The following CYFIP2 variants were observed in gnomAD, a reference collection of about 807,000 sequenced individuals.
CYFIP2 encodes the protein cytoplasmic FMR1-interacting protein 2.
In CYFIP2, 29 loss-of-function variants were observed where a neutral mutation model predicts 158.7. The observed-to-expected ratio is 0.18, with a 90% CI of 0.14 to 0.25. The LOEUF is 0.25. Ranked by LOEUF, CYFIP2 falls within the 10% of genes least tolerant of loss-of-function variation. CYFIP2 has a pLI of 1.00. For synonymous variants in CYFIP2, 585 were observed against 617.6 expected, an observed-to-expected ratio of 0.95 and a Z score of 0.78; for missense variants, 852 against 1,639.5, an observed-to-expected ratio of 0.52 and a Z score of 8.29.
chr5:157,366,943 A>C (rs931555373), intron 26 of CYFIP2, among the ~76,000 whole-genome samples: 1 of 152,222 alleles, frequency 6.6e-6, no homozygotes, highest in Non-Finnish European at 1.5e-5. Flanking sequence ...GTGTGAGGGA[A>C]GGCAGGCCTG....
At chr5:157,319,013 G>C (rs1760372293) in intron 13 of CYFIP2, among the ~76,000 whole-genome samples, 1 of 152,166 alleles carries the variant, frequency 6.6e-6, no homozygotes. Flanking sequence ...CAGCTGCATA[G>C]ATACACGCCT....
chr5:157,381,499 G>A (rs972922630), intron 26 of CYFIP2, among the ~76,000 whole-genome samples: 4 of 140,066 alleles, frequency 2.9e-5, no homozygotes, highest in African/African-American at 8.0e-5. Flanking sequence ...CTGCACTCCA[G>A]CCTGGGCAAC....
intron 15 of CYFIP2, chr5:157,322,946 G>A: frequency 9.1e-6 from 14 of 1,535,706 alleles, no homozygotes; most frequent in Non-Finnish European, 1.1e-5. Flanking sequence ...TCTTAGGCCT[G>A]CCAGTGGTCC....
intron 26 of CYFIP2, among the ~76,000 whole-genome samples, chr5:157,373,761 T>G (rs1011565538): frequency 6.6e-6 from 1 of 152,194 alleles, no homozygotes; most frequent in African/African-American, 2.4e-5. Context: ...AAATGGTATG[T>G]GCAGAGAAGA....
chr5:157,384,682 G>A (rs1022877593), intron 28 of CYFIP2: 30 of 363,836 alleles, frequency 8.2e-5, no homozygotes, highest in Non-Finnish European at 1.3e-4. Context: ...GCTCACACCT[G>A]TAATCCCAGC....
In CYFIP2 at chr5:157,328,021, T is replaced by C. The variant is rs751489126; in HGVS notation, c.2128T>C (p.Phe710Leu). Residue 710 changes from phenylalanine (F) to leucine (L), a missense_variant, in exon 19 of 31, where the codon TTT (phenylalanine) becomes CTT (leucine). Physicochemically the swap from Phe to Leu is conservative, Grantham distance 22 (BLOSUM62 0). Transcript: ENST00000620254. ...QFVYKLADQI[F>L]AYYKAMAGSV... is the part of the protein sequence containing the mutation. ...TGTCTACAAGCTGGCAGACCAGATC[T>C]TTGCTTACTACAAAGCCATGGCTGG... 1 of 1,613,864 alleles carries C rather than the reference T, an allele frequency of 6.2e-7. No individual in the cohort carries two copies. The highest frequency in any genetic ancestry group is 8.5e-7 in the Non-Finnish European group (1 of 1,179,888).
chr5:157,393,278 A>C lies in CYFIP2; in HGVS notation c.*278A>C. 7.0e-6 allele frequency: 2 copies of C among 286,602 alleles called. No individual in the cohort carries two copies. The highest frequency in any genetic ancestry group is 1.8e-4 in the South Asian group (2 of 11,394). The allele number at this position is 286,602 out of a possible 1,614,324, so 17.8% of individuals were successfully genotyped here. ...TTCTCCCCCCTCAACTATATTAAGA[A>C]CTCCTAGTTTCACCCTTTCTCCATC... is the stretch of plus-strand genomic sequence containing the variant. On this transcript the variant is annotated 3_prime_UTR_variant, in exon 31 of 31. Transcript: ENST00000620254.
chr5:157,303,034 G>A, intron 7 of CYFIP2, 144 bp downstream of exon 7: 1 of 647,454 alleles, frequency 1.5e-6, no homozygotes, highest in East Asian at 2.9e-5. Context: ...GTGAAATGTA[G>A]CTGAGGACTT....
At chr5:157,346,947 C>T (rs1206859793) in intron 23 of CYFIP2, among the ~76,000 whole-genome samples, 1 of 152,190 alleles carries the variant, frequency 6.6e-6, no homozygotes, top group African/African-American at 2.4e-5. Context: ...TCCATCCCTT[C>T]CTGTTCCTTT....
In CYFIP2 at chr5:157,311,274, T is replaced by G. The variant is rs1488635428; in HGVS notation, c.993-390T>G. On this transcript the variant is annotated intron_variant, in intron 10 of 30. Transcript: ENST00000620254. The surrounding 1 kb of genome is among the most constrained non-coding windows in gnomAD (Gnocchi z 4.7). ...CAAAGCCAGCTTCAACCGCAGAGTG[T>G]CTGTGCTGTCAGAGTGGGTAGGCTG... 3 of 370,526 alleles carry G rather than the reference T, an allele frequency of 8.1e-6. No homozygotes were observed. Among genetic ancestry groups the G allele is most frequent in the Non-Finnish European group, 1.6e-5 (3 of 189,610 alleles). The allele number at this position is 370,526 out of a possible 1,614,324, so 23.0% of individuals were successfully genotyped here. A position where few individuals can be genotyped will look rare whatever the true frequency, so the allele number is the denominator to read the frequency against.
chr5:157,338,357 A>G (rs990823083), intron 21 of CYFIP2, among the ~76,000 whole-genome samples: 1 of 152,250 alleles, frequency 6.6e-6, no homozygotes, highest in Non-Finnish European at 1.5e-5. Flanking sequence ...CAAGGGGCCT[A>G]CACTCCAAAG....
rs1418230313 is a variant in CYFIP2 at position 157,311,404 on chromosome 5, T to C, written c.993-260T>C. Reference sequence around the variant, plus strand: ...CCTCTCATATTACTGGTAAGTATTATGGACCAGGTATCTGGAAAGGCCTAC... The same window carrying C: ...CCTCTCATATTACTGGTAAGTATTACGGACCAGGTATCTGGAAAGGCCTAC... On this transcript the variant is annotated intron_variant, in intron 10 of 30. Coordinates refer to ENST00000620254, the MANE Select transcript of CYFIP2 (RefSeq NM_001037333.3). The surrounding 1 kb of genome is among the most constrained non-coding windows in gnomAD (Gnocchi z 4.7). 8 of 517,076 alleles carry C rather than the reference T, an allele frequency of 1.5e-5. No individual in the cohort carries two copies. The highest frequency in any genetic ancestry group is 2.8e-5 in the Non-Finnish European group (8 of 285,006). 32.0% of individuals were successfully genotyped at this position (517,076 alleles called of 1,614,324 possible). A position where few individuals can be genotyped will look rare whatever the true frequency, so the allele number is the denominator to read the frequency against.
intron 23 of CYFIP2, chr5:157,342,595 A>G: frequency 2.6e-6 from 1 of 383,474 alleles, no homozygotes; most frequent in Non-Finnish European, 4.7e-6. Flanking sequence ...GTTTGTTTTA[A>G]TGTTAAAACA....
chr5:157,350,564 C>T (rs570357148), intron 23 of CYFIP2, among the ~76,000 whole-genome samples: 28 of 152,298 alleles, frequency 1.8e-4, no homozygotes, highest in South Asian at 8.3e-4. Flanking sequence ...AATGTGATGC[C>T]TCCAGATTTG....
intron 15 of CYFIP2, among the ~76,000 whole-genome samples, chr5:157,323,210 G>A (rs1760745756): frequency 6.6e-6 from 1 of 152,220 alleles, no homozygotes; most frequent in Non-Finnish European, 1.5e-5. Flanking sequence ...GTAAGCGGGA[G>A]TTAATTGTCT....
intron 26 of CYFIP2, chr5:157,364,787 A>C (rs1764210890): frequency 6.6e-6 from 1 of 152,136 alleles, no homozygotes; most frequent in Non-Finnish European, 1.5e-5. Context: ...AAATTTTTAA[A>C]TGACATACCA....
rs1759732749 is a variant in CYFIP2 at position 157,311,613 on chromosome 5, C to T, written c.993-51C>T. On this transcript the variant is annotated intron_variant, in intron 10 of 30. Coordinates refer to ENST00000620254, the MANE Select transcript of CYFIP2 (RefSeq NM_001037333.3). This position sits in a 1 kb window ranked among gnomAD's most constrained non-coding sequence, Gnocchi z 4.7. ...CCAGGAGCAGCTAATGCCTGTTCCA[C>T]CCAGGCGCCTGAGGCTGGGACCCTC... is the stretch of plus-strand genomic sequence containing the variant. The T allele has an allele frequency of 2.0e-6, 3 of 1,513,198 alleles. No homozygotes were observed. The highest frequency in any genetic ancestry group is 2.7e-6 in the Non-Finnish European group (3 of 1,114,752). 93.7% of individuals were successfully genotyped at this position (1,513,198 alleles called of 1,614,324 possible). A position where few individuals can be genotyped will look rare whatever the true frequency, so the allele number is the denominator to read the frequency against.
Position 157,278,474 on chromosome 5 carries a change from G to T in CYFIP2, c.-23-6865G>T, listed in dbSNP as rs551158234. 3.3e-5 allele frequency among the ~76,000 whole-genome samples: 5 copies of T among 152,256 alleles called. No individual in the cohort carries two copies. The South Asian group carries it at 1.0e-3, about 32-fold the overall frequency. ...GTCTAGAAGAAAAGGCATAGAATTG[G>T]GAGTCAAGGTATCCTGTTTCTACCC... On this transcript the variant is annotated intron_variant, in intron 1 of 30. Coordinates refer to ENST00000620254, the MANE Select transcript of CYFIP2 (RefSeq NM_001037333.3).
chr5:157,362,460 C>G (rs1763924984), intron 26 of CYFIP2, among the ~76,000 whole-genome samples: 1 of 152,192 alleles, frequency 6.6e-6, no homozygotes, highest in Non-Finnish European at 1.5e-5. Context: ...AAGTTAGTTA[C>G]TATTACCTTC....
Sources: gnomAD v4.1 joint callset for allele counts (sites outside exome capture counted in the v4.1 genomes callset) on GRCh38, gnomAD v4.1.1 for gene constraint, Gnocchi (gnomAD v3.1) non-coding constraint, MANE v1.5 for transcripts, NCBI Gene and HGNC (gene_info 2026-07-23, HGNC 2026-07-21) for gene names.